Variants in DPP4 observed in about 807,000 individuals in gnomAD.
DPP4 encodes dipeptidyl peptidase 4, also known as ADCP-2.
A neutral mutation model predicts 122.4 loss-of-function variants in DPP4; 93 were observed. The ratio of observed to expected loss-of-function variants is 0.76; its 90% CI spans 0.64 to 0.90. DPP4 has a LOEUF of 0.90. Among genes scored for constraint, DPP4 ranks in the 40% least tolerant of loss-of-function variants. The pLI is 0.00. For missense variants in DPP4, 914 were observed against 907.3 expected (o/e 1.01, Z -0.09); for synonymous variants, 321 against 302.9 (o/e 1.06, Z -0.62).
rs372957544 is a variant in DPP4 at position 161,993,401 on chromosome 2, A to C, written c.2200-17T>G. 15 of 1,576,100 alleles carry C rather than the reference A, an allele frequency of 9.5e-6. No homozygotes were observed. The highest frequency in any genetic ancestry group is 1.2e-5 in the Non-Finnish European group (14 of 1,147,668). The stretch of plus-strand genomic sequence containing the variant: ...AGTATACCACTAGAGAGAGAAAGAA[A>C]AGAAGTTAGAATTAGGAAGTCAGTA... On this transcript the variant is annotated splice_polypyrimidine_tract_variant and intron_variant, in intron 25 of 25. Coordinates refer to ENST00000360534, the MANE Select transcript of DPP4 (RefSeq NM_001935.4).
intron 2 of DPP4, among the ~76,000 whole-genome samples, chr2:162,055,419 G>A (rs904480870): frequency 3.3e-5 from 5 of 151,992 alleles, no homozygotes; most frequent in African/African-American, 1.2e-4. Context: ...TGGTACAGCT[G>A]GGTGCAGTGA....
chr2:162,067,683 G>C (rs1684992257), intron 2 of DPP4, among the ~76,000 whole-genome samples: 1 of 145,356 alleles, frequency 6.9e-6, no homozygotes, highest in South Asian at 2.2e-4. Flanking sequence ...AAAACAGTTA[G>C]TTCTAATTTC....
intron 23 of DPP4, among the ~76,000 whole-genome samples, chr2:162,000,212 C>G (rs1701112147): frequency 6.6e-6 from 1 of 152,054 alleles, no homozygotes; most frequent in Non-Finnish European, 1.5e-5. Flanking sequence ...TACTTGTAAC[C>G]AAAGCTGCAT....
intron 2 of DPP4, among the ~76,000 whole-genome samples, chr2:162,069,359 C>A (rs1482179548): frequency 6.6e-6 from 1 of 152,190 alleles, no homozygotes; most frequent in African/African-American, 2.4e-5. Context: ...GCCACATTCT[C>A]CATGGGCCTC....
At chr2:162,034,125 G>A (rs940383497) in intron 9 of DPP4, among the ~76,000 whole-genome samples, 7 of 151,930 alleles carry the variant, frequency 4.6e-5, no homozygotes, top group African/African-American at 1.7e-4. Context: ...GTTTACCTGA[G>A]TCAACGGTGT....
At chr2:162,016,017 A>G (rs1228280550) in intron 18 of DPP4, among the ~76,000 whole-genome samples, 1 of 152,208 alleles carries the variant, frequency 6.6e-6, no homozygotes, top group Admixed American at 6.5e-5. Flanking sequence ...CAGTTTGAGT[A>G]GCACTGATGT....
intron 8 of DPP4, among the ~76,000 whole-genome samples, chr2:162,035,821 T>A (rs1031370681): frequency 1.3e-5 from 2 of 151,998 alleles, no homozygotes; most frequent in African/African-American, 2.4e-5. Flanking sequence ...ACAAACAAGG[T>A]GTGGGAAGGA....
intron 10 of DPP4, among the ~76,000 whole-genome samples, chr2:162,027,267 C>T (rs1243668444): frequency 6.6e-6 from 1 of 151,570 alleles, no homozygotes; most frequent in Non-Finnish European, 1.5e-5. Flanking sequence ...AGGAGAATTG[C>T]TTGAACCCGG....
At chr2:162,061,220 C>A (rs1178127479) in intron 2 of DPP4, among the ~76,000 whole-genome samples, 1 of 152,112 alleles carries the variant, frequency 6.6e-6, no homozygotes, top group Non-Finnish European at 1.5e-5. Context: ...TCTTCAGTTT[C>A]TTTCCACTGC....
chr2:162,010,464 C>T (rs1682652632), intron 20 of DPP4, among the ~76,000 whole-genome samples: 1 of 152,146 alleles, frequency 6.6e-6, no homozygotes, highest in Non-Finnish European at 1.5e-5. Flanking sequence ...TGCAATTCAT[C>T]CATGTTGTTA....
intron 10 of DPP4, among the ~76,000 whole-genome samples, chr2:162,028,314 A>G (rs1239388972): frequency 6.6e-6 from 1 of 152,172 alleles, no homozygotes; most frequent in Admixed American, 6.5e-5. Context: ...TTGAGCCGAG[A>G]TCATGCCATT....
chr2:161,997,039 T>G (rs916313782), intron 23 of DPP4, among the ~76,000 whole-genome samples: 6 of 152,216 alleles, frequency 3.9e-5, no homozygotes, highest in African/African-American at 1.2e-4. Flanking sequence ...AAAAGACATT[T>G]TATCTACGAC....
Position 161,994,994 on chromosome 2 carries a change from G to C in DPP4, c.2166C>G (p.Ala722=). 6.2e-7 allele frequency: 1 copy of C among 1,614,038 alleles called. No homozygotes were observed. The highest frequency in any genetic ancestry group is 8.5e-7 in the Non-Finnish European group (1 of 1,179,966). ...HFQQSAQISK[A]LVDVGVDFQA... ...GGAAATCCACTCCAACATCGACCAG[G>C]GCTTTGGAGATCTGAGCTGACTGCT... Residue 722 remains alanine, a synonymous_variant, in exon 25 of 26, where the codon GCC becomes GCG. Transcript: ENST00000360534.
intron 2 of DPP4, among the ~76,000 whole-genome samples, chr2:162,061,219 TC>T (rs1687106271): frequency 6.6e-6 from 1 of 152,174 alleles, no homozygotes; most frequent in African/African-American, 2.4e-5. Context: ...ATCTTCAGTT[TC>T]TTTCCACTGC....
In DPP4 at chr2:162,045,640, T is replaced by C. The variant is rs369684567; in HGVS notation, c.286-28A>G. 6.5e-6 allele frequency: 10 copies of C among 1,530,676 alleles called. No individual in the cohort carries two copies. The African/African-American group carries it at 1.1e-4, about 17-fold the overall frequency. 94.8% of individuals were successfully genotyped at this position (1,530,676 alleles called of 1,614,324 possible). On this transcript the variant is annotated intron_variant, in intron 4 of 25. Transcript: ENST00000360534. ...GTCAAACAAGAAGAACAAAGAAAAATTGAACAATTCCATTTCATTGCCATC... is the reference window on the plus strand; with the variant it reads ...GTCAAACAAGAAGAACAAAGAAAAACTGAACAATTCCATTTCATTGCCATC...
Position 162,020,274 on chromosome 2 carries a change from C to A in DPP4, c.1199G>T (p.Gly400Val), listed in dbSNP as rs763862576. Reference protein sequence around the residue: ...DKKDCTFITKGTWEVIGIEAL... With the variant: ...DKKDCTFITKVTWEVIGIEAL... ...TTCTATCCCGATGACTTCCCAGGTG[C>A]CTTTTGTAATAAATGTGCAGTCCTG... is the stretch of plus-strand genomic sequence containing the variant. The change falls in exon 14 of 26, where the codon GGC (glycine) becomes GTC (valine). Residue 400 changes from glycine (G) to valine (V), a missense_variant. Gly to Val is a moderately radical substitution (Grantham distance 109). Transcript: ENST00000360534. The A allele has an allele frequency of 1.9e-6, 3 of 1,601,484 alleles. No individual in the cohort carries two copies. The highest frequency in any genetic ancestry group is 1.1e-5 in the South Asian group (1 of 90,232).
At chr2:162,033,836 C>T (rs1231404513) in intron 9 of DPP4, among the ~76,000 whole-genome samples, 183 bp from the exon 10 acceptor site, 1 of 133,342 alleles carries the variant, frequency 7.5e-6, no homozygotes, top group Non-Finnish European at 1.6e-5. Flanking sequence ...GCAACCTTTT[C>T]ATGGTCAGGC....
intron 16 of DPP4, among the ~76,000 whole-genome samples, chr2:162,018,403 A>G (rs75747997): frequency 0.025 from 3,838 of 152,330 alleles, 60 homozygotes; most frequent in African/African-American, 0.05. Context: ...CACCAGCCAC[A>G]TACATTTTCT....
intron 4 of DPP4, 64 bp from the exon 5 acceptor site, chr2:162,045,676 T>C: frequency 8.7e-7 from 1 of 1,151,876 alleles, no homozygotes; most frequent in Non-Finnish European, 1.3e-6. Flanking sequence ...ACTGTGCACT[T>C]ACTTCATAGG....
Sources: allele counts gnomAD v4.1 joint callset (sites outside exome capture counted in the v4.1 genomes callset), GRCh38; gene constraint gnomAD v4.1.1; transcripts MANE v1.5; gene names NCBI Gene and HGNC (gene_info 2026-07-23, HGNC 2026-07-21).